Variants in SMG6 observed in about 807,000 individuals in gnomAD.
The protein encoded by SMG6 is SMG6 nonsense mediated mRNA decay factor.
SMG6 carries 66 observed loss-of-function variants against 142.2 expected under a neutral mutation model. That is an observed-to-expected ratio of 0.46 (90% CI 0.38 to 0.57). The LOEUF (loss-of-function observed/expected upper bound fraction) is 0.57. Ranked by LOEUF, SMG6 falls within the 20% of genes least tolerant of loss-of-function variation. SMG6 has a pLI of 0.00. For missense variants in SMG6, 1,793 were observed against 1,832.0 expected, an observed-to-expected ratio of 0.98 and a Z score of 0.39; for synonymous variants, 779 against 702.4, an observed-to-expected ratio of 1.11 and a Z score of -1.72.
intron 15 of SMG6, among the ~76,000 whole-genome samples, chr17:2,078,520 C>T (rs963694898): frequency 3.9e-5 from 6 of 151,992 alleles, no homozygotes; most frequent in African/African-American, 1.2e-4. Flanking sequence ...TACAGGCACC[C>T]GCCACAACAC....
chr17:2,099,219 C>A (rs893158715), intron 13 of SMG6, among the ~76,000 whole-genome samples: 3 of 152,012 alleles, frequency 2.0e-5, no homozygotes, highest in Admixed American at 6.6e-5. Context: ...AATCATGCTC[C>A]CCGAAGCTGT....
intron 13 of SMG6, among the ~76,000 whole-genome samples, chr17:2,135,253 G>A (rs1597447768): frequency 6.6e-6 from 1 of 152,216 alleles, no homozygotes; most frequent in Non-Finnish European, 1.5e-5. Flanking sequence ...TTTGATAAAT[G>A]TATACATGTG....
chr17:2,096,249 G>A (rs1055210704), intron 13 of SMG6, among the ~76,000 whole-genome samples: 2 of 152,108 alleles, frequency 1.3e-5, no homozygotes, highest in Non-Finnish European at 2.9e-5. Flanking sequence ...TATCGCCCAG[G>A]CTGGAGTGCA....
At chr17:2,133,106 G>A (rs565392353) in intron 13 of SMG6, among the ~76,000 whole-genome samples, 124 of 152,200 alleles carry the variant, frequency 8.1e-4, no homozygotes, top group Non-Finnish European at 1.3e-3. Flanking sequence ...TTAGCTGGAC[G>A]TGGTGGCGCA....
chr17:2,288,016 A>C (rs150900787), intron 6 of SMG6, among the ~76,000 whole-genome samples: 5 of 152,346 alleles, frequency 3.3e-5, no homozygotes, highest in Non-Finnish European at 4.4e-5. Flanking sequence ...AGCTACACTT[A>C]AAAATGGGTA....
At chr17:2,077,266 G>A (rs933695642) in intron 15 of SMG6, among the ~76,000 whole-genome samples, 1 of 152,164 alleles carries the variant, frequency 6.6e-6, no homozygotes, top group South Asian at 2.1e-4. Flanking sequence ...CAGACAATGT[G>A]GGAAACAAGT....
rs1300358590 is a variant in SMG6, at chr17:2,236,371, G to C, written c.2869+121C>G. 4.6e-6 allele frequency: 4 copies of C among 869,754 alleles called. No individual in the cohort carries two copies. The Admixed American group carries it at 7.0e-5, about 15-fold the overall frequency. The allele number at this position is 869,754 out of a possible 1,614,324, so 53.9% of individuals were successfully genotyped here. A position where few individuals can be genotyped will look rare whatever the true frequency, so the allele number is the denominator to read the frequency against. Reference sequence around the variant, plus strand: ...ACAATGGTAGGAAGCGTAGGGTAGGGTGTGTGTGTTCGGGGGTGGGGTGGG... The same window carrying C: ...ACAATGGTAGGAAGCGTAGGGTAGGCTGTGTGTGTTCGGGGGTGGGGTGGG... On this transcript the variant is annotated intron_variant, in intron 10 of 18. Transcript: ENST00000263073.
chr17:2,152,981 ATAC>A (rs2070873145), intron 13 of SMG6, among the ~76,000 whole-genome samples: 1 of 152,230 alleles, frequency 6.6e-6, no homozygotes, highest in Admixed American at 6.5e-5. Context: ...ATACAATGGA[ATAC>A]TACTCTGCAA....
At chr17:2,142,111 T>C (rs1232163062) in intron 13 of SMG6, among the ~76,000 whole-genome samples, 2 of 152,014 alleles carry the variant, frequency 1.3e-5, no homozygotes, top group Admixed American at 1.3e-4. Flanking sequence ...GTGATCCTCC[T>C]GTCTTAGCCT....
chr17:2,171,160 G>C (rs1192096362), intron 13 of SMG6, among the ~76,000 whole-genome samples: 1 of 152,102 alleles, frequency 6.6e-6, no homozygotes, highest in African/African-American at 2.4e-5. Context: ...TGTAGTCCTA[G>C]CTATGTGGGA....
intron 13 of SMG6, among the ~76,000 whole-genome samples, chr17:2,121,805 T>C (rs2069711049): frequency 6.6e-6 from 1 of 151,980 alleles, no homozygotes; most frequent in Non-Finnish European, 1.5e-5. Flanking sequence ...TTTGTGGAGA[T>C]GGGGTTTCGC....
intron 15 of SMG6, among the ~76,000 whole-genome samples, chr17:2,075,259 G>A (rs890533752): frequency 1.4e-5 from 2 of 143,758 alleles, no homozygotes; most frequent in Non-Finnish European, 3.0e-5. Flanking sequence ...GCTAAATTTA[G>A]AGTGGAACTC....
At chr17:2,184,767 C>T (rs904473961) in intron 12 of SMG6, among the ~76,000 whole-genome samples, 1 of 149,624 alleles carries the variant, frequency 6.7e-6, no homozygotes, top group African/African-American at 2.5e-5. Flanking sequence ...GAGTTTGAGA[C>T]CAGCCTGGCC....
chr17:2,252,922 G>GAA (rs149268903), intron 8 of SMG6, among the ~76,000 whole-genome samples: 1 of 145,016 alleles, frequency 6.9e-6, no homozygotes, highest in Non-Finnish European at 1.5e-5. Flanking sequence ...TTTAATGGCT[G>GAA]AAAAAAAAAA....
chr17:2,220,000 C>A (rs1447990515), intron 10 of SMG6, among the ~76,000 whole-genome samples: 1 of 152,242 alleles, frequency 6.6e-6, no homozygotes, highest in East Asian at 1.9e-4. Flanking sequence ...CGTCTCACTG[C>A]AACCTCCAAC....
intron 13 of SMG6, chr17:2,122,445 T>G (rs1038645905): frequency 1.3e-5 from 2 of 152,186 alleles, no homozygotes; most frequent in Non-Finnish European, 2.9e-5. Flanking sequence ...GAAAACACAG[T>G]GTCAGAGGGC....
chr17:2,188,586 G>T, intron 10 of SMG6, 71 bp from the exon 11 acceptor site: 1 of 1,372,120 alleles, frequency 7.3e-7, no homozygotes, highest in Non-Finnish European at 1.0e-6. Flanking sequence ...ACGTTACCGA[G>T]CTTCCTTTTC....
intron 13 of SMG6, among the ~76,000 whole-genome samples, chr17:2,156,867 G>A (rs1436902564): frequency 6.6e-6 from 1 of 152,120 alleles, no homozygotes. Context: ...TGCCCAGACT[G>A]GTCTCGAACT....
intron 4 of SMG6, among the ~76,000 whole-genome samples, chr17:2,293,983 GC>G (rs1162995356): frequency 6.6e-6 from 1 of 152,154 alleles, no homozygotes; most frequent in South Asian, 2.1e-4. Flanking sequence ...CAAGGCATGT[GC>G]CCCCCAAAAT....
Sources: gnomAD v4.1 joint callset for allele counts (sites outside exome capture counted in the v4.1 genomes callset) on GRCh38, gnomAD v4.1.1 for gene constraint, MANE v1.5 for transcripts, NCBI Gene and HGNC (gene_info 2026-07-23, HGNC 2026-07-21) for gene names.